Variants in JAZF1 observed in about 807,000 individuals in gnomAD.
The protein encoded by JAZF1 is JAZF zinc finger 1.
JAZF1 carries 8 observed loss-of-function variants against 26.4 expected under a neutral mutation model. That is an observed-to-expected ratio of 0.30 (90% CI 0.18 to 0.55). JAZF1 has a LOEUF of 0.55. JAZF1 is among the 20% of genes least tolerant of loss of function. The pLI, the probability that JAZF1 is intolerant of heterozygous loss-of-function variation, is 0.94. For synonymous variants in JAZF1, 126 were observed against 122.3 expected (o/e 1.03, Z -0.20); for missense variants, 199 against 322.0 (o/e 0.62, Z 2.92).
intron 1 of JAZF1, among the ~76,000 whole-genome samples, chr7:28,073,195 A>G (rs1486219555): frequency 2.0e-5 from 3 of 152,156 alleles, no homozygotes; most frequent in Admixed American, 2.0e-4. Flanking sequence ...ATAAGCAACT[A>G]ATATCTAGAT....
intron 2 of JAZF1, among the ~76,000 whole-genome samples, chr7:27,975,452 T>C (rs1373495469): frequency 6.6e-6 from 1 of 152,038 alleles, no homozygotes; most frequent in African/African-American, 2.4e-5. Context: ...CTAAGCTATA[T>C]CACATGTCAA....
intron 1 of JAZF1, among the ~76,000 whole-genome samples, chr7:28,049,005 C>A (rs1285117003): frequency 7.0e-6 from 1 of 142,336 alleles, no homozygotes; most frequent in African/African-American, 2.7e-5. Context: ...CCTTCCCTTC[C>A]TTCCTCCCTC....
intron 1 of JAZF1, among the ~76,000 whole-genome samples, chr7:28,095,990 C>T (rs559474383): frequency 1.3e-5 from 2 of 152,210 alleles, no homozygotes; most frequent in African/African-American, 4.8e-5. Flanking sequence ...AACCGTATGA[C>T]TCATTTAACC....
intron 1 of JAZF1, among the ~76,000 whole-genome samples, chr7:28,142,932 GGATA>G (rs1175238359): frequency 6.6e-6 from 1 of 152,136 alleles, no homozygotes; most frequent in Non-Finnish European, 1.5e-5. Flanking sequence ...TGTGTTCTGG[GGATA>G]GAAAGTATGG....
At chr7:27,837,753 T>C (rs1782844993) in intron 4 of JAZF1, among the ~76,000 whole-genome samples, 1 of 152,116 alleles carries the variant, frequency 6.6e-6, no homozygotes, top group African/African-American at 2.4e-5. Context: ...AACCCAAAAA[T>C]GCCTCTTTGC....
intron 3 of JAZF1, chr7:27,842,738 T>C (rs973411544): frequency 6.6e-6 from 1 of 152,254 alleles, no homozygotes; most frequent in Non-Finnish European, 1.5e-5. Flanking sequence ...AAATGCCACA[T>C]GCTGGCGTCC....
chr7:28,112,514 A>AT lies in JAZF1; in HGVS notation c.115+67948dup, dbSNP rs899357716. Among the ~76,000 whole-genome samples, 237 of 151,898 alleles carry AT rather than the reference A, an allele frequency of 1.6e-3. 1 individual carries two copies. Among genetic ancestry groups the AT allele is most frequent in the African/African-American group, 5.1e-3 (211 of 41,434 alleles). Reference sequence around the variant, plus strand: ...TTTTCAAAAGTTTATTGCCAAAAGCATTTTTTTTTAAATTTTTAAATCATG... The same window carrying AT: ...TTTTCAAAAGTTTATTGCCAAAAGCATTTTTTTTTTAAATTTTTAAATCATG... On this transcript the variant is annotated intron_variant, in intron 1 of 4. Coordinates refer to ENST00000283928, the MANE Select transcript of JAZF1 (RefSeq NM_175061.4).
intron 1 of JAZF1, among the ~76,000 whole-genome samples, chr7:28,153,796 C>T (rs534827125): frequency 1.3e-5 from 2 of 152,298 alleles, no homozygotes; most frequent in East Asian, 3.9e-4. Flanking sequence ...CTGGCAATGA[C>T]CACGGTGGGG....
intron 1 of JAZF1, among the ~76,000 whole-genome samples, chr7:28,041,274 T>A (rs1583525442): frequency 6.6e-6 from 1 of 152,284 alleles, no homozygotes; most frequent in East Asian, 1.9e-4. Flanking sequence ...TTGATATTGC[T>A]GACGGTGGAG....
chr7:27,936,758 C>T (rs542151959), intron 2 of JAZF1, among the ~76,000 whole-genome samples: 13 of 152,324 alleles, frequency 8.5e-5, no homozygotes, highest in African/African-American at 2.2e-4. Context: ...TGGCATAAAA[C>T]GGCTCGTAAG....
In JAZF1 at chr7:27,840,506, G is replaced by C. The variant is rs186237359; in HGVS notation, c.555+192C>G. Among the ~76,000 whole-genome samples, 1,516 of 152,376 alleles carry C rather than the reference G, an allele frequency of 9.9e-3. 18 individuals are homozygous for C. The highest frequency in any genetic ancestry group is 0.017 in the Middle Eastern group (5 of 294). ...CAGAGGGGAAAGCCCCGGCAGCAGCGGTGGCGGGTGAGCACTTCCTTGAGG... is the reference window on the plus strand; with the variant it reads ...CAGAGGGGAAAGCCCCGGCAGCAGCCGTGGCGGGTGAGCACTTCCTTGAGG... On this transcript the variant is annotated intron_variant, in intron 4 of 4. Coordinates refer to ENST00000283928, the MANE Select transcript of JAZF1 (RefSeq NM_175061.4). This position sits in a 1 kb window ranked among gnomAD's most constrained non-coding sequence, Gnocchi z 5.1.
At chr7:28,100,440 T>C (rs1433709648) in intron 1 of JAZF1, among the ~76,000 whole-genome samples, 1 of 151,918 alleles carries the variant, frequency 6.6e-6, no homozygotes, top group Non-Finnish European at 1.5e-5. Context: ...TATATAATAA[T>C]AACAAGATAT....
At chr7:27,986,881 T>TG (rs1355105458) in intron 2 of JAZF1, among the ~76,000 whole-genome samples, 3 of 152,164 alleles carry the variant, frequency 2.0e-5, no homozygotes, top group Non-Finnish European at 4.4e-5. Context: ...GGTCTCCAGC[T>TG]CCTGACTGTG....
chr7:28,160,283 C>T (rs1783264095), intron 1 of JAZF1, among the ~76,000 whole-genome samples: 1 of 152,124 alleles, frequency 6.6e-6, no homozygotes. Flanking sequence ...TATAGCATAA[C>T]CCAGGCAGAA....
chr7:27,857,554 A>G (rs527239376), intron 3 of JAZF1, among the ~76,000 whole-genome samples: 1 of 152,382 alleles, frequency 6.6e-6, no homozygotes, highest in South Asian at 2.1e-4. Context: ...GAGGGCTGCC[A>G]GCATGCTGTC....
chr7:27,884,509 CAAG>C (rs149123115), intron 3 of JAZF1, among the ~76,000 whole-genome samples: 4,049 of 152,302 alleles, frequency 0.027, 167 homozygotes, highest in African/African-American at 0.093. Flanking sequence ...ATCCATCACT[CAAG>C]AAAGTTCCCT....
At chr7:27,999,369 C>T (rs1286966913) in intron 1 of JAZF1, among the ~76,000 whole-genome samples, 1 of 152,180 alleles carries the variant, frequency 6.6e-6, no homozygotes. Context: ...TATACCTCCC[C>T]TGCTCATGAG....
intron 1 of JAZF1, among the ~76,000 whole-genome samples, chr7:28,088,772 T>A (rs1784247986): frequency 6.6e-6 from 1 of 152,276 alleles, no homozygotes; most frequent in Admixed American, 6.5e-5. Flanking sequence ...ATTTGCATTC[T>A]GTTGTCCCTT....
At chr7:27,996,324 G>A (rs1463892124) in intron 1 of JAZF1, among the ~76,000 whole-genome samples, 1 of 152,170 alleles carries the variant, frequency 6.6e-6, no homozygotes, top group Non-Finnish European at 1.5e-5. Context: ...TAGCAGTGTG[G>A]GGAAGATGTG....
Sources: gnomAD v4.1 joint callset for allele counts (sites outside exome capture counted in the v4.1 genomes callset) on GRCh38, gnomAD v4.1.1 for gene constraint, Gnocchi (gnomAD v3.1) non-coding constraint, MANE v1.5 for transcripts, NCBI Gene and HGNC (gene_info 2026-07-23, HGNC 2026-07-21) for gene names.